Variants in RANGAP1 observed in about 807,000 individuals in gnomAD.
RANGAP1 encodes the protein Ran GTPase activating protein 1, also known as ran GTPase-activating protein 1.
Under a neutral mutation model 63.5 loss-of-function variants are expected in RANGAP1, and 38 were observed. The ratio of observed to expected loss-of-function variants is 0.60; its 90% CI spans 0.46 to 0.78. RANGAP1 has a LOEUF of 0.78. Ranked by LOEUF, RANGAP1 falls within the 30% of genes least tolerant of loss-of-function variation. The pLI, the probability that RANGAP1 is intolerant of heterozygous loss-of-function variation, is 0.00. For missense variants in RANGAP1, 630 were observed against 740.3 expected (o/e 0.85, Z 1.73); for synonymous variants, 329 against 310.5 (o/e 1.06, Z -0.63).
Position 41,246,312 on chromosome 22 carries a change from T to G in RANGAP1, c.*291A>C. On this transcript the variant is annotated 3_prime_UTR_variant, in exon 16 of 16. Coordinates refer to ENST00000356244, the MANE Select transcript of RANGAP1 (RefSeq NM_002883.4). ...CAGAGCGCCCTCAGGTGGAGGTGAGTTTAATGGCGGAGCAGCTCACAGCCC... is the reference window on the plus strand; with the variant it reads ...CAGAGCGCCCTCAGGTGGAGGTGAGGTTAATGGCGGAGCAGCTCACAGCCC... The G allele has an allele frequency of 1.5e-5, 4 of 270,472 alleles. No individual in the cohort carries two copies. The highest frequency in any genetic ancestry group is 1.4e-5 in the Non-Finnish European group (2 of 141,112). The allele number at this position is 270,472 out of a possible 1,614,324, so 16.8% of individuals were successfully genotyped here.
chr22:41,293,671 T>G, the RANGAP1 span, among the ~76,000 whole-genome samples: 1 of 145,464 alleles, frequency 6.9e-6, no homozygotes, highest in South Asian at 2.1e-4. Context: ...CCCAGCTACT[T>G]GGGAGGCTGA....
At chr22:41,301,991 G>T in the RANGAP1 span, among the ~76,000 whole-genome samples, 1 of 152,118 alleles carries the variant, frequency 6.6e-6, no homozygotes, top group Non-Finnish European at 1.5e-5. Context: ...TCCTTTTTGG[G>T]GATCCCGGTC....
chr22:41,247,991 T>A (rs957918242), intron 15 of RANGAP1, among the ~76,000 whole-genome samples: 6 of 152,162 alleles, frequency 3.9e-5, no homozygotes, highest in Non-Finnish European at 7.4e-5. Flanking sequence ...ATGCCCAGGC[T>A]TAGGATAGCA....
the RANGAP1 span, among the ~76,000 whole-genome samples, chr22:41,291,247 T>C: frequency 1.3e-5 from 2 of 152,170 alleles, no homozygotes; most frequent in South Asian, 4.1e-4. Context: ...TGCTCTAATG[T>C]TTATGGAGGA....
chr22:41,254,829 G>A (rs544007541), intron 10 of RANGAP1, among the ~76,000 whole-genome samples: 3 of 152,050 alleles, frequency 2.0e-5, no homozygotes, highest in African/African-American at 7.2e-5. Flanking sequence ...AAAATTAGCC[G>A]GGTGTGGTGG....
intron 2 of RANGAP1, among the ~76,000 whole-genome samples, chr22:41,275,405 T>C (rs2035075442): frequency 1.3e-5 from 2 of 151,818 alleles, no homozygotes; most frequent in South Asian, 4.2e-4. Context: ...GGCAGGAGAA[T>C]GTCTTGAACC....
Position 41,254,316 on chromosome 22 carries a change from T to G in RANGAP1, c.1252A>C (p.Asn418His). The G allele has an allele frequency of 6.2e-7, 1 of 1,614,130 alleles. No individual in the cohort carries two copies. The highest frequency in any genetic ancestry group is 8.5e-7 in the Non-Finnish European group (1 of 1,180,020). Residue 418 changes from asparagine (N) to histidine (H), a missense_variant, in exon 11 of 16, where the codon AAC becomes CAC. Physicochemically the swap from Asn to His is moderately conservative, Grantham distance 68. Transcript: ENST00000356244. ...AGATGATAGAAACTCACCCCAGTGT[T>G]AGGGTCCAGAATCTTCCGTGAGGGC... ...ATPSRKILDPNTGEPAPVLSS... is the reference protein window; with the variant it reads ...ATPSRKILDPHTGEPAPVLSS...
intron 5 of RANGAP1, among the ~76,000 whole-genome samples, chr22:41,264,207 C>T (rs902062404): frequency 2.0e-5 from 3 of 152,208 alleles, no homozygotes; most frequent in African/African-American, 4.8e-5. Flanking sequence ...ACCAGCCCAA[C>T]GTGAAGCTCT....
At chr22:41,266,194 T>C (rs1601652697) in intron 4 of RANGAP1, among the ~76,000 whole-genome samples, 3 of 130,674 alleles carry the variant, frequency 2.3e-5, no homozygotes, top group East Asian at 2.4e-4. Flanking sequence ...AGAGTGAGAC[T>C]CCGCCTCAAA....
intron 3 of RANGAP1, among the ~76,000 whole-genome samples, chr22:41,269,958 C>T (rs1037840236): frequency 5.9e-5 from 9 of 151,884 alleles, no homozygotes; most frequent in African/African-American, 2.2e-4. Context: ...CTCAGTCTCC[C>T]AAGTAGCTGG....
intron 3 of RANGAP1, 50 bp from the exon 4 acceptor site, chr22:41,268,206 C>T: frequency 7.1e-7 from 1 of 1,415,896 alleles, no homozygotes; most frequent in Non-Finnish European, 9.8e-7. Context: ...CCCTGGAGGC[C>T]CATAGTGAAG....
chr22:41,277,588 A>T (rs8139515), intron 2 of RANGAP1: 158,361 of 980,118 alleles, frequency 0.16, 13,455 homozygotes, highest in Middle Eastern at 0.22. Flanking sequence ...TCTGGTCAAG[A>T]AGGGTCTTGA....
At chr22:41,258,564 G>A (rs139510) in intron 6 of RANGAP1, among the ~76,000 whole-genome samples, 59,001 of 151,850 alleles carry the variant, frequency 0.39, 12,119 homozygotes, top group Non-Finnish European at 0.45. Flanking sequence ...CTCTAGGGAT[G>A]AGGAGGGTGT....
At chr22:41,298,015 G>T in the RANGAP1 span, among the ~76,000 whole-genome samples, 2 of 151,864 alleles carry the variant, frequency 1.3e-5, no homozygotes. Context: ...CCGTGACCAC[G>T]CCTGGCTGAT....
chr22:41,278,507 TA>T (rs1439836994), intron 2 of RANGAP1, among the ~76,000 whole-genome samples: 1 of 152,240 alleles, frequency 6.6e-6, no homozygotes, highest in African/African-American at 2.4e-5. Flanking sequence ...TTAATACCCT[TA>T]TCTGACACGG....
intron 15 of RANGAP1, among the ~76,000 whole-genome samples, chr22:41,248,486 T>C (rs1211634619): frequency 5.3e-5 from 8 of 152,224 alleles, no homozygotes; most frequent in Admixed American, 2.6e-4. Flanking sequence ...ATGCACCAAG[T>C]ATCCTGCCTC....
At chr22:41,270,611 CT>C (rs2034749219) in intron 3 of RANGAP1, among the ~76,000 whole-genome samples, 1 of 152,220 alleles carries the variant, frequency 6.6e-6, no homozygotes, top group Non-Finnish European at 1.5e-5. Context: ...ACACACCCAG[CT>C]AATTTTTGTA....
intron 7 of RANGAP1, 76 bp from the exon 8 acceptor site, chr22:41,256,900 C>T (rs2145719952): frequency 1.8e-6 from 2 of 1,113,998 alleles, no homozygotes; most frequent in African/African-American, 1.5e-5. Context: ...GGGGGCCCCA[C>T]ACGGTCACAT....
chr22:41,294,208 C>T, the RANGAP1 span, among the ~76,000 whole-genome samples: 4 of 152,250 alleles, frequency 2.6e-5, no homozygotes, highest in Admixed American at 6.5e-5. Flanking sequence ...TGCGCCGCCA[C>T]GCCTGACTGG....
Sources: allele counts gnomAD v4.1 joint callset (sites outside exome capture counted in the v4.1 genomes callset), GRCh38; gene constraint gnomAD v4.1.1; transcripts MANE v1.5; gene names NCBI Gene and HGNC (gene_info 2026-07-23, HGNC 2026-07-21).